Variants in HS3ST4 observed in about 807,000 individuals in gnomAD.
HS3ST4 encodes the protein heparan sulfate glucosamine 3-O-sulfotransferase 4.
A neutral mutation model predicts 29.2 loss-of-function variants in HS3ST4; 17 were observed. The ratio of observed to expected loss-of-function variants is 0.58; its 90% CI spans 0.40 to 0.87. The LOEUF (loss-of-function observed/expected upper bound fraction) is 0.87, where lower values mean the gene tolerates loss of function less well. Among genes scored for constraint, HS3ST4 ranks in the 40% least tolerant of loss-of-function variants. HS3ST4 has a pLI of 0.00. For missense variants in HS3ST4, 627 were observed against 634.5 expected, an observed-to-expected ratio of 0.99 and a Z score of 0.13; for synonymous variants, 314 against 285.7, an observed-to-expected ratio of 1.10 and a Z score of -1.00.
chr16:25,919,392 G>C (rs2141682021), intron 1 of HS3ST4, among the ~76,000 whole-genome samples: 1 of 152,274 alleles, frequency 6.6e-6, no homozygotes, highest in East Asian at 1.9e-4. Flanking sequence ...CATTGGGGGT[G>C]GGGGAAAACA....
intron 1 of HS3ST4, among the ~76,000 whole-genome samples, chr16:25,996,206 A>T (rs973487247): frequency 6.6e-6 from 1 of 152,108 alleles, no homozygotes; most frequent in Non-Finnish European, 1.5e-5. Flanking sequence ...CCTATACCTG[A>T]TATCTTCTTA....
intron 1 of HS3ST4, among the ~76,000 whole-genome samples, chr16:25,814,699 G>A (rs1191188755): frequency 6.6e-6 from 1 of 152,306 alleles, no homozygotes; most frequent in Non-Finnish European, 1.5e-5. Flanking sequence ...ACTTGCACAA[G>A]TTCACATAGT....
chr16:25,873,370 C>T (rs1967780358), intron 1 of HS3ST4, among the ~76,000 whole-genome samples: 1 of 129,056 alleles, frequency 7.7e-6, no homozygotes, highest in African/African-American at 2.9e-5. Context: ...ACCTAGCAAG[C>T]CATCCAGTCA....
At chr16:25,836,230 T>G (rs1967355027) in intron 1 of HS3ST4, among the ~76,000 whole-genome samples, 1 of 152,170 alleles carries the variant, frequency 6.6e-6, no homozygotes, top group South Asian at 2.1e-4. Context: ...TCTGTCTTCT[T>G]TTGGACCCCT....
chr16:25,959,363 T>C (rs184580136), intron 1 of HS3ST4, among the ~76,000 whole-genome samples: 131 of 152,350 alleles, frequency 8.6e-4, no homozygotes, highest in African/African-American at 3.0e-3. Context: ...CAGTATCCAG[T>C]GCTATGTGAC....
chr16:25,862,568 C>A (rs575641581), intron 1 of HS3ST4, among the ~76,000 whole-genome samples: 1 of 152,334 alleles, frequency 6.6e-6, no homozygotes, highest in African/African-American at 2.4e-5. Flanking sequence ...CTCGTGCTCA[C>A]TTCCTGCTGT....
intron 1 of HS3ST4, among the ~76,000 whole-genome samples, chr16:25,797,297 A>G (rs748383657): frequency 1.3e-5 from 2 of 152,226 alleles, no homozygotes; most frequent in Non-Finnish European, 2.9e-5. Context: ...CTCAGGCAGT[A>G]TGATAGGATG....
intron 1 of HS3ST4, among the ~76,000 whole-genome samples, chr16:25,830,096 A>G (rs1967278024): frequency 1.3e-5 from 2 of 152,198 alleles, no homozygotes; most frequent in Non-Finnish European, 2.9e-5. Context: ...AAATACTGAG[A>G]TTACAGGCAT....
chr16:25,878,325 A>T (rs1401027831), intron 1 of HS3ST4, among the ~76,000 whole-genome samples: 1 of 152,120 alleles, frequency 6.6e-6, no homozygotes, highest in Non-Finnish European at 1.5e-5. Flanking sequence ...CCAGTCTTCT[A>T]TGTTAATCAT....
chr16:25,819,646 T>C (rs1967127432), intron 1 of HS3ST4, among the ~76,000 whole-genome samples: 1 of 152,134 alleles, frequency 6.6e-6, no homozygotes, highest in African/African-American at 2.4e-5. Flanking sequence ...GGAAGTGCTT[T>C]GTCATTCATA....
intron 1 of HS3ST4, among the ~76,000 whole-genome samples, chr16:25,941,324 T>G (rs1033088102): frequency 5.9e-5 from 9 of 152,116 alleles, no homozygotes; most frequent in Middle Eastern, 3.4e-3. Context: ...CACATCTGGC[T>G]AATTTTGTAT....
rs1008830292 is a variant in HS3ST4, at chr16:25,848,621, C to A, written c.734+155470C>A. Among the ~76,000 whole-genome samples the A allele has an allele frequency of 1.4e-4, 21 of 152,064 alleles. No homozygotes were observed. In the East Asian group the frequency reaches 4.1e-3, roughly 29 times the overall value. On this transcript the variant is annotated intron_variant, in intron 1 of 1. Transcript: ENST00000331351. ...TTGTAGTTATGCCCTCTTCATCATT[C>A]TGAAGATTGTTATTTGTGCTCTCTT...
intron 1 of HS3ST4, among the ~76,000 whole-genome samples, chr16:25,793,721 C>T (rs1966875449): frequency 6.6e-6 from 1 of 151,846 alleles, no homozygotes; most frequent in South Asian, 2.1e-4. Context: ...AATTTTAATT[C>T]AGTTTGATGC....
intron 1 of HS3ST4, among the ~76,000 whole-genome samples, chr16:25,997,213 C>A (rs1969165792): frequency 6.6e-6 from 1 of 152,066 alleles, no homozygotes; most frequent in Non-Finnish European, 1.5e-5. Flanking sequence ...ATAAAACTTC[C>A]AGAAAAATGC....
intron 1 of HS3ST4, among the ~76,000 whole-genome samples, chr16:25,880,296 C>T (rs1013245771): frequency 1.3e-5 from 2 of 152,144 alleles, no homozygotes; most frequent in Non-Finnish European, 2.9e-5. Context: ...GGGACCTTGT[C>T]ATTTAGTGTC....
intron 1 of HS3ST4, among the ~76,000 whole-genome samples, chr16:25,872,935 G>T (rs932772218): frequency 6.6e-6 from 1 of 152,012 alleles, no homozygotes. Flanking sequence ...ATCTCCTGTG[G>T]CTGGGCACTC....
chr16:25,863,989 A>G (rs1451330435), intron 1 of HS3ST4, among the ~76,000 whole-genome samples: 1 of 151,980 alleles, frequency 6.6e-6, no homozygotes, highest in Non-Finnish European at 1.5e-5. Flanking sequence ...CTTAAGGTGC[A>G]GAGAGCCACC....
rs558605383 is a variant in HS3ST4, at chr16:25,930,875, T to C, written c.735-204737T>C. 1.6e-4 allele frequency among the ~76,000 whole-genome samples: 24 copies of C among 152,176 alleles called. No homozygotes were observed. The South Asian group carries it at 2.7e-3, about 17-fold the overall frequency. ...TCATGTATTTCCATTCCTGATCCAATGACCATGAGTTTTTCCTTCTGAAAA... is the reference window on the plus strand; with the variant it reads ...TCATGTATTTCCATTCCTGATCCAACGACCATGAGTTTTTCCTTCTGAAAA... On this transcript the variant is annotated intron_variant, in intron 1 of 1. Transcript: ENST00000331351.
intron 1 of HS3ST4, among the ~76,000 whole-genome samples, chr16:25,764,538 T>C (rs890638800): frequency 1.3e-5 from 2 of 152,228 alleles, no homozygotes; most frequent in Non-Finnish European, 2.9e-5. Flanking sequence ...GGCAATGCTA[T>C]CATCACTTTT....
Sources: gnomAD v4.1 joint callset for allele counts (sites outside exome capture counted in the v4.1 genomes callset) on GRCh38, gnomAD v4.1.1 for gene constraint, MANE v1.5 for transcripts, NCBI Gene and HGNC (gene_info 2026-07-23, HGNC 2026-07-21) for gene names.